TBATA: variants seen among roughly 807,000 people sequenced by gnomAD.
TBATA encodes protein TBATA.
TBATA carries 47 observed loss-of-function variants against 38.7 expected under a neutral mutation model. That is an observed-to-expected ratio of 1.21 (90% CI 0.96 to 1.55). The LOEUF (loss-of-function observed/expected upper bound fraction) is 1.55. TBATA is among the 40% of genes most tolerant of loss of function. The pLI is 0.00. For missense variants in TBATA, 436 were observed against 435.6 expected, an observed-to-expected ratio of 1.00 and a Z score of -0.01; for synonymous variants, 183 against 170.5, an observed-to-expected ratio of 1.07 and a Z score of -0.57.
Position 70,782,044 on chromosome 10 carries a change from AG to A in TBATA, c.42-9del, listed in dbSNP as rs1844285979. The A allele has an allele frequency of 1.2e-6, 2 of 1,613,520 alleles. No homozygotes were observed. Among genetic ancestry groups the A allele is most frequent in the African/African-American group, 1.3e-5 (1 of 74,872 alleles). On this transcript the variant is annotated splice_polypyrimidine_tract_variant and intron_variant, in intron 3 of 10. Coordinates refer to ENST00000456372, the MANE Select transcript of TBATA (RefSeq NM_001318241.2). ...TTCAGCTCAGCCTTTGGACTGAAGG[AG>A]GGGGTTTCAGGAGAAGCTAATGGAG...
chr10:70,783,347 T>C lies in TBATA; in HGVS notation c.33A>G (p.Pro11=), dbSNP rs1307599893. 2 of 1,614,162 alleles carry C rather than the reference T, an allele frequency of 1.2e-6. No homozygotes were observed. Among genetic ancestry groups the C allele is most frequent in the Non-Finnish European group, 1.7e-6 (2 of 1,180,006 alleles). The change falls in exon 3 of 11, where the codon CCA becomes CCG. Residue 11 remains proline (P), a synonymous_variant. Transcript: ENST00000456372. ...GGCATTTGGAGCCTCACCTCATCAG[T>C]GGATAATCAGCCAATTGAACATCTG... The part of the protein sequence containing the change: MATDVQLADY[P]LMSPKAELKL...
chr10:70,784,430 ATC>A lies in TBATA; in HGVS notation c.-147+215_-147+216del, dbSNP rs1454512507. On this transcript the variant is annotated intron_variant, in intron 2 of 10. Coordinates refer to ENST00000456372, the MANE Select transcript of TBATA (RefSeq NM_001318241.2). Reference sequence around the variant, plus strand: ...TAAATCTATGGACCTGAATATATATATCTAGCCAAAGTGCTAGGGATGGGGTT... The same window carrying A: ...TAAATCTATGGACCTGAATATATATATAGCCAAAGTGCTAGGGATGGGGTT... Among the ~76,000 whole-genome samples, 3 of 152,188 alleles carry A rather than the reference ATC, an allele frequency of 2.0e-5. No individual in the cohort carries two copies. In the East Asian group the frequency reaches 5.8e-4, roughly 29 times the overall value.
At chr10:70,780,324 G>A (rs1391975471) in intron 4 of TBATA, among the ~76,000 whole-genome samples, 1 of 152,134 alleles carries the variant, frequency 6.6e-6, no homozygotes, top group Non-Finnish European at 1.5e-5. Flanking sequence ...TATTGACAGT[G>A]AGGCTTGAAG....
Position 70,772,899 on chromosome 10 carries a change from C to T in TBATA, c.921-333G>A, listed in dbSNP as rs553914355. ...TCCCCCTAGCCCTGACTCACTCGCT[C>T]CACTGGTTTCCTTGTGGACTTCCCT... is the stretch of plus-strand genomic sequence containing the variant. On this transcript the variant is annotated intron_variant, in intron 9 of 10. Transcript: ENST00000456372. Among the ~76,000 whole-genome samples the T allele has an allele frequency of 4.0e-4, 61 of 152,312 alleles. 1 individual carries two copies. In the South Asian group the frequency reaches 8.9e-3, roughly 22 times the overall value.
In TBATA at chr10:70,783,386, C is replaced by CT; in HGVS notation, c.-8dup. 1 of 1,614,096 alleles carries CT rather than the reference C, an allele frequency of 6.2e-7. No homozygotes were observed. The highest frequency in any genetic ancestry group is 1.3e-5 in the African/African-American group (1 of 75,052). ...ATTGAACATCTGTAGCCATTGTATG[C>CT]TTTTTAACAGACTAAAGGCCAGTGC... On this transcript the variant is annotated 5_prime_UTR_variant, in exon 3 of 11. Transcript: ENST00000456372.
At chr10:70,775,541 C>T (rs1391926439) in intron 7 of TBATA, among the ~76,000 whole-genome samples, 6 of 152,062 alleles carry the variant, frequency 3.9e-5, no homozygotes, top group Admixed American at 6.5e-5. Flanking sequence ...AGAGGGGATG[C>T]TAGCAGGTAG....
chr10:70,776,297 C>T, intron 7 of TBATA: 1 of 456,274 alleles, frequency 2.2e-6, no homozygotes, highest in Admixed American at 2.3e-5. Flanking sequence ...GCCCCTGGGC[C>T]CTTCTCCATT....
Position 70,777,296 on chromosome 10 carries a change from T to G in TBATA, c.550A>C (p.Lys184Gln), listed in dbSNP as rs1843535814. 1 of 1,613,582 alleles carries G rather than the reference T, an allele frequency of 6.2e-7. No homozygotes were observed. The highest frequency in any genetic ancestry group is 1.3e-5 in the African/African-American group (1 of 74,894). ...KEEPLREQGA[K>Q]YSAETGRLIP... is the part of the protein sequence containing the mutation. The stretch of plus-strand genomic sequence containing the variant: ...AGCCTCCCAGTCTCTGCTGAGTACT[T>G]TGCCCCCTGCTCCCGCAGAGGCTCC... Residue 184 changes from lysine to glutamine, a missense_variant, in exon 7 of 11, where the codon AAG (lysine) becomes CAG (glutamine). Lys to Gln is a moderately conservative substitution (Grantham distance 53, BLOSUM62 1). Coordinates refer to ENST00000456372, the MANE Select transcript of TBATA (RefSeq NM_001318241.2).
Position 70,782,259 on chromosome 10 carries a change from C to G in TBATA, c.42-223G>C, listed in dbSNP as rs1844313744. 4 of 1,451,744 alleles carry G rather than the reference C, an allele frequency of 2.8e-6. No homozygotes were observed. In the African/African-American group the frequency reaches 4.2e-5, roughly 15 times the overall value. The allele number at this position is 1,451,744 out of a possible 1,614,324, so 89.9% of individuals were successfully genotyped here. On this transcript the variant is annotated intron_variant, in intron 3 of 10. Transcript: ENST00000456372. Reference sequence around the variant, plus strand: ...CTGGTTAGTCTTCCTTATCAGGGAGCTGGCATCCATTTGAGGGAACTCAGA... The same window carrying G: ...CTGGTTAGTCTTCCTTATCAGGGAGGTGGCATCCATTTGAGGGAACTCAGA...
chr10:70,771,464 A>C lies in TBATA; in HGVS notation c.974-3T>G, dbSNP rs775502671. 3 of 1,613,040 alleles carry C rather than the reference A, an allele frequency of 1.9e-6. No individual in the cohort carries two copies. In the South Asian group the frequency reaches 3.3e-5, roughly 18 times the overall value. On this transcript the variant is annotated splice_polypyrimidine_tract_variant and splice_region_variant and intron_variant, in intron 10 of 10. Transcript: ENST00000456372. The stretch of plus-strand genomic sequence containing the variant: ...GACTTGAGCTTCTCCAATGTACTCT[A>C]GTGGGAGGAGAGACAGCAGGCAGGA...
intron 9 of TBATA, among the ~76,000 whole-genome samples, chr10:70,772,987 C>T (rs376867918): frequency 3.3e-5 from 5 of 152,182 alleles, no homozygotes; most frequent in South Asian, 2.1e-4. Context: ...GATGCTCTTC[C>T]GTCTTGCATT....
chr10:70,781,378 G>A (rs1303133366), intron 4 of TBATA, among the ~76,000 whole-genome samples: 2 of 152,178 alleles, frequency 1.3e-5, no homozygotes, highest in African/African-American at 4.8e-5. Flanking sequence ...CAGGAGGGGG[G>A]CCACCATGTC....
intron 3 of TBATA, chr10:70,782,291 C>T (rs962177136): frequency 6.7e-7 from 1 of 1,492,734 alleles, no homozygotes; most frequent in Non-Finnish European, 8.9e-7. Flanking sequence ...CAGACTCTCC[C>T]AGCACCCCAG....
Position 70,777,147 on chromosome 10 carries a change from C to T in TBATA, c.693+6G>A, listed in dbSNP as rs758765239. On this transcript the variant is annotated splice_donor_region_variant and intron_variant, in intron 7 of 10. Transcript: ENST00000456372. ...CAGGAGCCTGGGAGCAGAACTGGGC[C>T]CTCACCAGCAGCTCCTGATCCTGAA... The T allele has an allele frequency of 2.1e-5, 34 of 1,611,652 alleles. No homozygotes were observed. The highest frequency in any genetic ancestry group is 2.0e-4 in the South Asian group (18 of 91,002).
At position 70,772,561 on chromosome 10, in the gene TBATA, G is replaced by A. The variant is rs1589365682; in HGVS notation, c.926C>T (p.Ser309Phe). The A allele has an allele frequency of 1.2e-6, 2 of 1,614,036 alleles. No homozygotes were observed. Among genetic ancestry groups the A allele is most frequent in the South Asian group, 2.2e-5 (2 of 91,084 alleles). Residue 309 changes from serine to phenylalanine, a missense_variant, in exon 10 of 11, where the codon TCC (serine) becomes TTC (phenylalanine). Transcript: ENST00000456372. ...QEKQEPPCSQ[S>F]PKKTKISPFT... ...AGGTGATATCTTCGTTTTCTTCGGG[G>A]ATTGACTGTGACCAAATACAAAGAA...
chr10:70,777,512 A>G (rs1843576879), intron 6 of TBATA, among the ~76,000 whole-genome samples, 174 bp from the exon 7 acceptor site: 1 of 150,476 alleles, frequency 6.6e-6, no homozygotes, highest in Admixed American at 6.6e-5. Context: ...CCACCCCCCC[A>G]ACCTCACCTG....
At chr10:70,775,947 C>T (rs1019520388) in intron 7 of TBATA, among the ~76,000 whole-genome samples, 35 of 152,194 alleles carry the variant, frequency 2.3e-4, no homozygotes, top group East Asian at 7.7e-4. Context: ...TTTTCCCCTG[C>T]GTTCTCCAGT....
At position 70,771,277 on chromosome 10, in the gene TBATA, G is replaced by C; in HGVS notation, c.*99C>G. On this transcript the variant is annotated 3_prime_UTR_variant, in exon 11 of 11. Transcript: ENST00000456372. ...GTTTTATTTAGTAAGAGTTTTCACGGTAGGGAATCAGGTACTGCTGTGAAG... is the reference window on the plus strand; with the variant it reads ...GTTTTATTTAGTAAGAGTTTTCACGCTAGGGAATCAGGTACTGCTGTGAAG... The C allele has an allele frequency of 6.2e-7, 1 of 1,610,334 alleles. No individual in the cohort carries two copies. The highest frequency in any genetic ancestry group is 8.5e-7 in the Non-Finnish European group (1 of 1,177,634).
rs113286255 is a variant in TBATA at position 70,783,730 on chromosome 10, C to A, written c.-146-205G>T. ...GATGGCAGAAGAATGGATAAATAAG[C>A]TGTGGTGCATTCAGACAATGGGATA... On this transcript the variant is annotated intron_variant, in intron 2 of 10. Transcript: ENST00000456372. Among the ~76,000 whole-genome samples, 1,184 of 152,314 alleles carry A rather than the reference C, an allele frequency of 7.8e-3. 5 individuals carry two copies. Among genetic ancestry groups the A allele is most frequent in the Non-Finnish European group, 0.01 (714 of 68,034 alleles).
Sources: gnomAD v4.1 joint callset for allele counts (sites outside exome capture counted in the v4.1 genomes callset) on GRCh38, gnomAD v4.1.1 for gene constraint, MANE v1.5 for transcripts, NCBI Gene and HGNC (gene_info 2026-07-23, HGNC 2026-07-21) for gene names.